CSF1R: variants seen among roughly 807,000 people sequenced by gnomAD.
CSF1R encodes macrophage colony-stimulating factor 1 receptor.
In CSF1R, 40 loss-of-function variants were observed where a neutral mutation model predicts 110.0. The observed-to-expected ratio is 0.36, with a 90% CI of 0.28 to 0.47. The LOEUF is 0.47. CSF1R is among the 20% of genes least tolerant of loss of function. The pLI is 0.99. For synonymous variants in CSF1R, 523 were observed against 503.4 expected, an observed-to-expected ratio of 1.04 and a Z score of -0.52; for missense variants, 1,052 against 1,253.0, an observed-to-expected ratio of 0.84 and a Z score of 2.42.
intron 14 of CSF1R, chr5:150,058,064 C>G (rs925203668): frequency 5.4e-6 from 2 of 372,618 alleles, no homozygotes; most frequent in African/African-American, 2.1e-5. Context: ...ACTCTAGGGA[C>G]AAAACAGTCA....
intron 1 of CSF1R, among the ~76,000 whole-genome samples, chr5:150,086,005 T>A (rs1758829289): frequency 6.6e-6 from 1 of 152,178 alleles, no homozygotes. Flanking sequence ...AATCCTCAGG[T>A]AACTTGTATG....
chr5:150,077,795 C>G (rs1758338383), intron 4 of CSF1R, among the ~76,000 whole-genome samples: 1 of 152,194 alleles, frequency 6.6e-6, no homozygotes, highest in South Asian at 2.1e-4. Flanking sequence ...GCCTAGGAAA[C>G]CCTTGCTAAA....
upstream of CSF1R, among the ~76,000 whole-genome samples, chr5:150,089,853 T>C (rs948428568): frequency 3.3e-5 from 5 of 152,292 alleles, no homozygotes; most frequent in African/African-American, 9.6e-5. Flanking sequence ...AGAATAAAAT[T>C]GAGAGTCAGG....
chr5:150,105,669 C>T (rs1561967629), intron 1 of CSF1R, among the ~76,000 whole-genome samples: 1 of 151,966 alleles, frequency 6.6e-6, no homozygotes, highest in Non-Finnish European at 1.5e-5. Context: ...ACTACAGGCA[C>T]ACACCGCCCA....
chr5:150,081,467 A>AG (rs1052394279), intron 1 of CSF1R, among the ~76,000 whole-genome samples: 1 of 152,144 alleles, frequency 6.6e-6, no homozygotes, highest in African/African-American at 2.4e-5. Flanking sequence ...CATATGGGAA[A>AG]GAAAAAAAAA....
At chr5:150,063,312 G>T (rs1162773226) in intron 10 of CSF1R, among the ~76,000 whole-genome samples, 3 of 152,166 alleles carry the variant, frequency 2.0e-5, no homozygotes, top group Admixed American at 6.5e-5. Context: ...TGGCCGGGCA[G>T]TGAGAGACCC....
At chr5:150,061,371 C>T (rs1017790833) in intron 12 of CSF1R, 120 bp downstream of exon 12, 3 of 872,588 alleles carry the variant, frequency 3.4e-6, no homozygotes, top group African/African-American at 1.7e-5. Context: ...CACCCCTGAG[C>T]TCTGTCCCCC....
At chr5:150,105,384 ATTTTTTTT>A (rs35556562) in intron 1 of CSF1R, among the ~76,000 whole-genome samples, 47 of 84,250 alleles carry the variant, frequency 5.6e-4, no homozygotes, top group African/African-American at 2.2e-3. Context: ...ATATATATAT[ATTTTTTTT>A]TTTTTAATAG....
intron 18 of CSF1R, 93 bp from the exon 19 acceptor site, chr5:150,055,429 C>T (rs950783492): frequency 1.0e-5 from 11 of 1,057,468 alleles, no homozygotes; most frequent in African/African-American, 3.1e-5. Flanking sequence ...TTTAAAGGGT[C>T]CCACTTGACA....
rs939668323 is a variant in CSF1R, at chr5:150,086,488, C to G, written c.-61G>C. The G allele has an allele frequency of 6.6e-7, 1 of 1,523,096 alleles. No homozygotes were observed. The highest frequency in any genetic ancestry group is 1.4e-5 in the African/African-American group (1 of 73,260). The allele number at this position is 1,523,096 out of a possible 1,614,324, so 94.3% of individuals were successfully genotyped here. On this transcript the variant is annotated 5_prime_UTR_variant, in exon 1 of 21. Coordinates refer to ENST00000675795, the MANE Select transcript of CSF1R (RefSeq NM_001288705.3). ...TGCAAGGTGCCCAGGGCACAGAGCT[C>G]TCAGCTACTAGCTCCGCAGGGATCG...
At chr5:150,055,991 C>A in intron 18 of CSF1R, 35 bp downstream of exon 18, 1 of 1,585,128 alleles carries the variant, frequency 6.3e-7, no homozygotes, top group Non-Finnish European at 8.7e-7. Context: ...AGGAGCCAGC[C>A]CCAGGCTCTG....
At chr5:150,091,555 G>A (rs1759040049) in intron 1 of CSF1R, among the ~76,000 whole-genome samples, 1 of 152,128 alleles carries the variant, frequency 6.6e-6, no homozygotes, top group Admixed American at 6.5e-5. Flanking sequence ...ATCCAGAACA[G>A]GTAAACCTGT....
chr5:150,092,774 G>C (rs1006770694), intron 1 of CSF1R, among the ~76,000 whole-genome samples: 1 of 152,178 alleles, frequency 6.6e-6, no homozygotes, highest in African/African-American at 2.4e-5. Flanking sequence ...ACAATTCAAG[G>C]TGAGAATTGG....
At chr5:150,078,426 G>A (rs539166623) in intron 3 of CSF1R, among the ~76,000 whole-genome samples, 178 bp from the exon 4 acceptor site, 1 of 152,090 alleles carries the variant, frequency 6.6e-6, no homozygotes, top group African/African-American at 2.4e-5. Flanking sequence ...CTGTCCTAAA[G>A]AGACCTTGGA....
intron 10 of CSF1R, among the ~76,000 whole-genome samples, chr5:150,063,730 G>T (rs1356584004): frequency 1.3e-5 from 2 of 152,112 alleles, no homozygotes; most frequent in Admixed American, 1.3e-4. Flanking sequence ...GCTAAGGGTT[G>T]CCCACAAGAA....
Position 150,069,919 on chromosome 5 carries a change from G to A in CSF1R, c.1464C>T (p.His488=). Residue 488 remains histidine (H), a synonymous_variant, in exon 9 of 21, where the codon CAC becomes CAT. Transcript: ENST00000675795. ...EHNQTYECRA[H]NSVGSGSWAF... is the part of the protein sequence containing the mutation. Reference sequence around the variant, plus strand: ...CCCAGGAGCCACTCCCCACGCTGTTGTGGGCCCTGCACTCGTAGGTTTGGT... The same window carrying A: ...CCCAGGAGCCACTCCCCACGCTGTTATGGGCCCTGCACTCGTAGGTTTGGT... The A allele has an allele frequency of 5.6e-6, 9 of 1,614,072 alleles. No individual in the cohort carries two copies. The highest frequency in any genetic ancestry group is 1.3e-5 in the African/African-American group (1 of 75,030).
chr5:150,097,475 AAAG>A (rs1287849528), intron 1 of CSF1R, among the ~76,000 whole-genome samples: 1 of 152,158 alleles, frequency 6.6e-6, no homozygotes, highest in Non-Finnish European at 1.5e-5. Context: ...AAAGAGTTCA[AAAG>A]AAGAAATATA....
rs1214821986 is a variant in CSF1R, at chr5:150,056,421, C to A, written c.2320-80G>T. ...GTGAGGAGGATGGCAGGGAGGGCCCCACATGGCTTTGGAGTCCCTGCTGGA... is the reference window on the plus strand; with the variant it reads ...GTGAGGAGGATGGCAGGGAGGGCCCAACATGGCTTTGGAGTCCCTGCTGGA... On this transcript the variant is annotated intron_variant, in intron 16 of 20. Transcript: ENST00000675795. 7 of 1,569,990 alleles carry A rather than the reference C, an allele frequency of 4.5e-6. No homozygotes were observed. In the East Asian group the frequency reaches 1.2e-4, roughly 26 times the overall value.
At chr5:150,058,216 C>G (rs1244068160) in intron 14 of CSF1R, 2 of 456,208 alleles carry the variant, frequency 4.4e-6, no homozygotes, top group East Asian at 6.9e-5. Context: ...TTTGAATCAG[C>G]AGGCCTGGGT....
Sources: allele counts gnomAD v4.1 joint callset (sites outside exome capture counted in the v4.1 genomes callset), GRCh38; gene constraint gnomAD v4.1.1; transcripts MANE v1.5; gene names NCBI Gene and HGNC (gene_info 2026-07-23, HGNC 2026-07-21).